DYRK1A: variants seen among roughly 807,000 people sequenced by gnomAD.
DYRK1A encodes the protein dual specificity tyrosine phosphorylation regulated kinase 1A, also known as dual specificity tyrosine-phosphorylation-regulated kinase 1A.
Under a neutral mutation model 79.7 loss-of-function variants are expected in DYRK1A, and 9 were observed. That is an observed-to-expected ratio of 0.11 (90% CI 0.07 to 0.20). DYRK1A has a LOEUF of 0.20. Ranked by LOEUF, DYRK1A falls within the 10% of genes least tolerant of loss-of-function variation. The pLI is 1.00. For missense variants in DYRK1A, 622 were observed against 956.0 expected (o/e 0.65, Z 4.61); for synonymous variants, 349 against 329.7 (o/e 1.06, Z -0.63).
chr21:37,476,674 C>G (rs1321364390), intron 3 of DYRK1A, among the ~76,000 whole-genome samples: 1 of 152,128 alleles, frequency 6.6e-6, no homozygotes, highest in Non-Finnish European at 1.5e-5. Context: ...GCATTAAGTC[C>G]TTAAGGAATA....
intron 1 of DYRK1A, among the ~76,000 whole-genome samples, chr21:37,392,078 AGTTGTTAACACTGAATTTAACAAAT>A (rs71328584): frequency 0.11 from 16,800 of 152,284 alleles, 1,224 homozygotes; most frequent in Middle Eastern, 0.16. Context: ...ACATAGTTGT[AGTTGTTAACACTGAATTTAACAAAT>A]GTTTGTGTGC....
In DYRK1A at chr21:37,523,900, G is replaced by C. The variant is rs1259807706; in HGVS notation, c.*11369G>C. On this transcript the variant is annotated 3_prime_UTR_variant, in exon 12 of 12. Coordinates refer to ENST00000647188, the MANE Select transcript of DYRK1A (RefSeq NM_001347721.2). Reference sequence around the variant, plus strand: ...AGAGACCGTATGATGAGAATATGTGGCATTCTCATCATTTTGCCCTGCCGC... The same window carrying C: ...AGAGACCGTATGATGAGAATATGTGCCATTCTCATCATTTTGCCCTGCCGC... The C allele has an allele frequency of 6.6e-6, 1 of 152,190 alleles. No individual in the cohort carries two copies. The highest frequency in any genetic ancestry group is 1.5e-5 in the Non-Finnish European group (1 of 68,038). 9.4% of individuals were successfully genotyped at this position (152,190 alleles called of 1,614,324 possible). A position where few individuals can be genotyped will look rare whatever the true frequency, so the allele number is the denominator to read the frequency against.
chr21:37,490,719 A>G (rs1339885519), intron 7 of DYRK1A, among the ~76,000 whole-genome samples: 1 of 151,800 alleles, frequency 6.6e-6, no homozygotes, highest in Non-Finnish European at 1.5e-5. Flanking sequence ...TTGTGTTGAT[A>G]TCTATTTTGG....
chr21:37,374,860 G>C (rs1045170836), intron 1 of DYRK1A, among the ~76,000 whole-genome samples: 2 of 152,150 alleles, frequency 1.3e-5, no homozygotes, highest in African/African-American at 4.8e-5. Flanking sequence ...GCTGGAATCT[G>C]TTTTCTTAAG....
chr21:37,410,719 C>T (rs1034771204), intron 1 of DYRK1A: 3 of 152,142 alleles, frequency 2.0e-5, no homozygotes, highest in African/African-American at 7.2e-5. Context: ...CCAGTTTTCT[C>T]ACCTATTGCA....
chr21:37,416,370 G>A (rs1196346577), intron 1 of DYRK1A, among the ~76,000 whole-genome samples: 2 of 128,070 alleles, frequency 1.6e-5, no homozygotes, highest in Non-Finnish European at 3.3e-5. Flanking sequence ...GGTTTTGAGG[G>A]GAGTGATAAA....
intron 5 of DYRK1A, among the ~76,000 whole-genome samples, chr21:37,482,406 C>T (rs1318149566): frequency 6.6e-6 from 1 of 152,118 alleles, no homozygotes; most frequent in African/African-American, 2.4e-5. Context: ...TTCTCTGATG[C>T]CCCACAAGCC....
chr21:37,512,523 A>G lies in DYRK1A; in HGVS notation c.2257A>G (p.Ser753Gly). The G allele has an allele frequency of 6.2e-7, 1 of 1,608,780 alleles. No homozygotes were observed. The highest frequency in any genetic ancestry group is 8.5e-7 in the Non-Finnish European group (1 of 1,175,618). The change falls in exon 12 of 12, where the codon AGC becomes GGC. Residue 753 changes from serine (S) to glycine (G), a missense_variant. Transcript: ENST00000647188. ...TTGTGTGCAACAGAGTCCTGTAGCTAGCTCGTGACTACATTGAAACTTGAG... is the reference window on the plus strand; with the variant it reads ...TTGTGTGCAACAGAGTCCTGTAGCTGGCTCGTGACTACATTGAAACTTGAG... ...GVCVQQSPVA[S>G]S
In DYRK1A at chr21:37,403,663, ATGTGTGTGTGTGTG is replaced by A. The variant is rs761056038; in HGVS notation, c.-76-16612_-76-16599del. On this transcript the variant is annotated intron_variant, in intron 1 of 11. Transcript: ENST00000647188. ...AAAAAAAAAAAATATATATATATAT[ATGTGTGTGTGTGTG>A]TGTGTGTGTGTGTGTGTGTGTGTTC... Among the ~76,000 whole-genome samples the A allele has an allele frequency of 3.7e-3, 445 of 121,540 alleles. 7 individuals carry two copies. The East Asian group carries it at 0.045, about 12-fold the overall frequency. The allele number at this position is 121,540 out of a possible 152,430, so 79.7% of individuals were successfully genotyped here. A position where few individuals can be genotyped will look rare whatever the true frequency, so the allele number is the denominator to read the frequency against.
chr21:37,426,690 C>T (rs1213431978), intron 2 of DYRK1A, among the ~76,000 whole-genome samples: 1 of 150,422 alleles, frequency 6.6e-6, no homozygotes, highest in East Asian at 2.0e-4. Flanking sequence ...GCGGGCAGAT[C>T]ACGAGGTCAG....
At chr21:37,403,013 C>G (rs375447808) in intron 1 of DYRK1A, among the ~76,000 whole-genome samples, 6 of 152,094 alleles carry the variant, frequency 3.9e-5, no homozygotes, top group Admixed American at 6.6e-5. Context: ...ATCTGCCCCC[C>G]CTCAGCCTCC....
chr21:37,479,614 T>TTTTGG (rs1195233026), intron 4 of DYRK1A, among the ~76,000 whole-genome samples: 1 of 43,798 alleles, frequency 2.3e-5, no homozygotes, highest in Non-Finnish European at 4.2e-5. Context: ...TTGTTTTTGT[T>TTTTGG]TTTTGTTTTT....
chr21:37,406,113 A>G (rs933631773), intron 1 of DYRK1A, among the ~76,000 whole-genome samples: 3 of 152,050 alleles, frequency 2.0e-5, no homozygotes, highest in African/African-American at 7.3e-5. Flanking sequence ...GGCTACATCC[A>G]GTTGTAATTG....
At position 37,430,431 on chromosome 21, in the gene DYRK1A, C is replaced by G. The variant is rs542202418; in HGVS notation, c.10+10047C>G. 1.1e-5 allele frequency: 11 copies of G among 983,696 alleles called. No homozygotes were observed. In the African/African-American group the frequency reaches 1.9e-4, roughly 17 times the overall value. 60.9% of individuals were successfully genotyped at this position (983,696 alleles called of 1,614,324 possible). On this transcript the variant is annotated intron_variant, in intron 2 of 11. Coordinates refer to ENST00000647188, the MANE Select transcript of DYRK1A (RefSeq NM_001347721.2). ...GTACATTTTAAAAGATGATTTAATT[C>G]TATGATATGTGTTCAACTTGCACTA...
intron 2 of DYRK1A, among the ~76,000 whole-genome samples, chr21:37,442,126 C>T (rs902551301): frequency 2.0e-5 from 3 of 151,596 alleles, no homozygotes; most frequent in Admixed American, 6.6e-5. Context: ...TTTTTCTGGC[C>T]GTTTTTAAGA....
intron 2 of DYRK1A, chr21:37,425,553 C>G (rs2050594899): frequency 6.6e-6 from 1 of 151,908 alleles, no homozygotes; most frequent in African/African-American, 2.4e-5. Flanking sequence ...CTATTTAAGA[C>G]CCAGGTAAAA....
intron 5 of DYRK1A, among the ~76,000 whole-genome samples, chr21:37,484,853 C>T (rs2052797297): frequency 6.6e-6 from 1 of 152,116 alleles, no homozygotes; most frequent in Non-Finnish European, 1.5e-5. Context: ...TCCTTTTTCC[C>T]AGGGCAGACT....
intron 9 of DYRK1A, among the ~76,000 whole-genome samples, chr21:37,498,365 AT>A (rs1337929590): frequency 6.6e-6 from 1 of 152,188 alleles, no homozygotes; most frequent in East Asian, 1.9e-4. Context: ...CTTTTCTGTT[AT>A]CCCACTACTT....
chr21:37,424,553 T>C (rs2050566295), intron 2 of DYRK1A, among the ~76,000 whole-genome samples: 1 of 152,308 alleles, frequency 6.6e-6, no homozygotes. Flanking sequence ...GACTAACATA[T>C]CATAAATGTT....
Sources: allele counts gnomAD v4.1 joint callset (sites outside exome capture counted in the v4.1 genomes callset), GRCh38; gene constraint gnomAD v4.1.1; transcripts MANE v1.5; gene names NCBI Gene and HGNC (gene_info 2026-07-23, HGNC 2026-07-21).